EPAS1: variants seen among roughly 807,000 people sequenced by gnomAD.
EPAS1 encodes the protein endothelial PAS domain protein 1, also known as endothelial PAS domain-containing protein 1.
A neutral mutation model predicts 87.9 loss-of-function variants in EPAS1; 23 were observed. The ratio of observed to expected loss-of-function variants is 0.26; its 90% CI spans 0.19 to 0.37. The LOEUF (loss-of-function observed/expected upper bound fraction) is 0.37, where lower values mean the gene tolerates loss of function less well. EPAS1 is among the 10% of genes least tolerant of loss of function. EPAS1 has a pLI of 1.00. For synonymous variants in EPAS1, 508 were observed against 444.3 expected, an observed-to-expected ratio of 1.14 and a Z score of -1.80; for missense variants, 1,138 against 1,120.7, an observed-to-expected ratio of 1.02 and a Z score of -0.22.
intron 1 of EPAS1, among the ~76,000 whole-genome samples, chr2:46,343,834 G>T (rs1036814274): frequency 1.3e-5 from 2 of 152,250 alleles, no homozygotes; most frequent in African/African-American, 4.8e-5. Context: ...CCCTAGCTCT[G>T]CCACTGATTA....
At chr2:46,310,952 C>T (rs1683199194) in intron 1 of EPAS1, among the ~76,000 whole-genome samples, 1 of 152,212 alleles carries the variant, frequency 6.6e-6, no homozygotes, top group Non-Finnish European at 1.5e-5. Context: ...TCTTGGCTCA[C>T]TGCAAGCTCT....
intron 1 of EPAS1, among the ~76,000 whole-genome samples, chr2:46,314,651 T>C (rs1683277123): frequency 1.3e-5 from 2 of 152,140 alleles, no homozygotes; most frequent in African/African-American, 4.8e-5. Context: ...TGAAATAAAT[T>C]TCAAGTGGAG....
At chr2:46,320,501 T>A (rs532026709) in intron 1 of EPAS1, among the ~76,000 whole-genome samples, 1 of 152,320 alleles carries the variant, frequency 6.6e-6, no homozygotes, top group East Asian at 1.9e-4. Flanking sequence ...ATAAATGGCT[T>A]TTCTAATAGC....
chr2:46,310,593 G>A (rs890552091), intron 1 of EPAS1, among the ~76,000 whole-genome samples: 3 of 152,230 alleles, frequency 2.0e-5, no homozygotes, highest in Non-Finnish European at 4.4e-5. Flanking sequence ...CCGTCTTCCT[G>A]AAGTCACCTG....
At chr2:46,328,827 G>T (rs1304861648) in intron 1 of EPAS1, among the ~76,000 whole-genome samples, 1 of 152,216 alleles carries the variant, frequency 6.6e-6, no homozygotes, top group African/African-American at 2.4e-5. Flanking sequence ...AAAATGTTCA[G>T]AACACAAGTC....
chr2:46,377,863 G>T (rs1205212293), intron 9 of EPAS1, 31 bp from the exon 10 acceptor site: 1 of 1,551,734 alleles, frequency 6.4e-7, no homozygotes. Context: ...ATGGTTGTGG[G>T]TGTTCACCTC....
rs1377375122 is a variant in EPAS1 at position 46,298,196 on chromosome 2, C to T, written c.26+259C>T. Among the ~76,000 whole-genome samples the T allele has an allele frequency of 2.0e-5, 3 of 152,282 alleles. No homozygotes were observed. In the East Asian group the frequency reaches 5.8e-4, roughly 29 times the overall value. On this transcript the variant is annotated intron_variant, in intron 1 of 15. Transcript: ENST00000263734. ...GAGGCCAGGAGGCCGAGGGAGATGG[C>T]CTGGAGGTCGGAGGTGCTTCCGCGG...
rs1684623900 is a variant in EPAS1, at chr2:46,371,367, C to A, written c.886+1434C>A. Among the ~76,000 whole-genome samples the A allele has an allele frequency of 6.6e-6, 1 of 152,104 alleles. No homozygotes were observed. Among genetic ancestry groups the A allele is most frequent in the Non-Finnish European group, 1.5e-5 (1 of 68,012 alleles). On this transcript the variant is annotated intron_variant, in intron 7 of 15. Coordinates refer to ENST00000263734, the MANE Select transcript of EPAS1 (RefSeq NM_001430.5). This position sits in a 1 kb window ranked among gnomAD's most constrained non-coding sequence, Gnocchi z 4.3. ...AGATCTTTCTTTTCTTTTATTGGTT[C>A]CTCTGCCTCTTCCTCATGGCTTTTG...
At chr2:46,382,217 C>A in intron 14 of EPAS1, 128 bp downstream of exon 14, 1 of 1,062,054 alleles carries the variant, frequency 9.4e-7, no homozygotes, top group Non-Finnish European at 1.4e-6. Flanking sequence ...TAGAATGGGG[C>A]GATGTCCTCT....
chr2:46,298,169 G>A (rs1281776274), intron 1 of EPAS1, among the ~76,000 whole-genome samples: 3 of 152,326 alleles, frequency 2.0e-5, no homozygotes, highest in African/African-American at 7.2e-5. Flanking sequence ...TGCGCGCACG[G>A]CGAGGCCAGG....
intron 10 of EPAS1, among the ~76,000 whole-genome samples, chr2:46,378,325 C>T (rs1684803737): frequency 6.6e-6 from 1 of 152,230 alleles, no homozygotes; most frequent in African/African-American, 2.4e-5. Context: ...GCTCAGTCCC[C>T]ATACAGGGCA....
chr2:46,353,805 C>G (rs994653969), intron 2 of EPAS1, among the ~76,000 whole-genome samples: 1 of 152,222 alleles, frequency 6.6e-6, no homozygotes, highest in African/African-American at 2.4e-5. Context: ...CTGTGGTTCT[C>G]CCCTCTCCAG....
At chr2:46,381,093 T>C in intron 12 of EPAS1, 1 of 358,046 alleles carries the variant, frequency 2.8e-6, no homozygotes, top group South Asian at 2.6e-5. Flanking sequence ...TCCCCTTGCC[T>C]TTTGGCTGCC....
In EPAS1 at chr2:46,356,259, T is replaced by A; in HGVS notation, c.326T>A (p.Ile109Asn). The change falls in exon 3 of 16, where the codon ATC becomes AAC. Residue 109 changes from isoleucine to asparagine, a missense_variant. This residue lies in a region of EPAS1 where 351 missense variants were observed against 417.1 expected (regional missense o/e 0.84). Transcript: ENST00000263734. Reference protein sequence around the residue: ...IAVVTQDGDMIFLSENISKFM... With the variant: ...IAVVTQDGDMNFLSENISKFM... Reference sequence around the variant, plus strand: ...GTGGTGACCCAAGATGGCGACATGATCTTTCTGTCAGAAAACATCAGCAAG... The same window carrying A: ...GTGGTGACCCAAGATGGCGACATGAACTTTCTGTCAGAAAACATCAGCAAG... 6.2e-7 allele frequency: 1 copy of A among 1,613,962 alleles called. No individual in the cohort carries two copies. The highest frequency in any genetic ancestry group is 8.5e-7 in the Non-Finnish European group (1 of 1,179,958).
At chr2:46,307,284 G>C (rs1338247087) in intron 1 of EPAS1, among the ~76,000 whole-genome samples, 1 of 152,164 alleles carries the variant, frequency 6.6e-6, no homozygotes, top group South Asian at 2.1e-4. Flanking sequence ...CTGGGGCCTG[G>C]GTTTGGAGCA....
chr2:46,340,725 A>T (rs1209166101), intron 1 of EPAS1, among the ~76,000 whole-genome samples: 1 of 152,064 alleles, frequency 6.6e-6, no homozygotes, highest in East Asian at 1.9e-4. Context: ...CTGAATTTGT[A>T]ACTTTTTGTT....
Position 46,380,626 on chromosome 2 carries a change from T to C in EPAS1, c.1954T>C (p.Trp652Arg), listed in dbSNP as rs748092437. The change falls in exon 12 of 16, where the codon TGG becomes CGG. Residue 652 changes from tryptophan (W) to arginine (R), a missense_variant. Trp to Arg is a moderately radical substitution (Grantham distance 101). Around this residue, in one of 4 missense-constraint regions of EPAS1, gnomAD observed 502 missense variants for 427.1 expected, o/e 1.18. Transcript: ENST00000263734. The surrounding 1 kb of genome is among the most constrained non-coding windows in gnomAD (Gnocchi z 4.4). ...DPPLHFGPTK[W>R]AVGDQRTEFL... ...ACCATTACATTTTGGGCCCACAAAG[T>C]GGGCCGTCGGGGATCAGCGCACAGA... The C allele has an allele frequency of 1.2e-6, 2 of 1,613,924 alleles. No individual in the cohort carries two copies. Among genetic ancestry groups the C allele is most frequent in the South Asian group, 2.2e-5 (2 of 91,068 alleles).
At chr2:46,382,152 G>A in intron 14 of EPAS1, 63 bp downstream of exon 14, 1 of 1,479,720 alleles carries the variant, frequency 6.8e-7, no homozygotes, top group Non-Finnish European at 9.3e-7. Context: ...GGGCTCGGGA[G>A]CCCATCCTGG....
chr2:46,368,776 A>G (rs1330823879), intron 6 of EPAS1, among the ~76,000 whole-genome samples: 3 of 152,232 alleles, frequency 2.0e-5, no homozygotes, highest in Non-Finnish European at 4.4e-5. Flanking sequence ...AACTTGTGAT[A>G]GGCCAAGTAA....
Sources: allele counts gnomAD v4.1 joint callset (sites outside exome capture counted in the v4.1 genomes callset), GRCh38; gene constraint gnomAD v4.1.1; regional missense constraint gnomAD v4.1.1; non-coding constraint Gnocchi (gnomAD v3.1); transcripts MANE v1.5; gene names NCBI Gene and HGNC (gene_info 2026-07-23, HGNC 2026-07-21).